The following COL22A1 variants were observed in gnomAD, a reference collection of about 807,000 sequenced individuals.
The protein encoded by COL22A1 is collagen type XXII alpha 1 chain, also known as collagen alpha-1(XXII) chain.
Under a neutral mutation model 248.9 loss-of-function variants are expected in COL22A1, and 221 were observed. The ratio of observed to expected loss-of-function variants is 0.89; its 90% CI spans 0.80 to 0.99. COL22A1 has a LOEUF of 0.99. Among genes scored for constraint, COL22A1 ranks in the 50% least tolerant of loss-of-function variants. COL22A1 has a pLI of 0.00. For synonymous variants in COL22A1, 891 were observed against 793.4 expected, an observed-to-expected ratio of 1.12 and a Z score of -2.07; for missense variants, 2,240 against 2,179.0, an observed-to-expected ratio of 1.03 and a Z score of -0.56.
chr8:138,677,137 C>A (rs1825625528), intron 40 of COL22A1, among the ~76,000 whole-genome samples: 1 of 152,230 alleles, frequency 6.6e-6, no homozygotes, highest in African/African-American at 2.4e-5. Flanking sequence ...CGAGATAAGA[C>A]CTTTGCCTTC....
intron 3 of COL22A1, among the ~76,000 whole-genome samples, chr8:138,875,046 C>T (rs936709448): frequency 2.0e-5 from 3 of 152,214 alleles, no homozygotes; most frequent in South Asian, 2.1e-4. Flanking sequence ...AACCCATTAA[C>T]CAGTATAATT....
At chr8:138,770,449 C>T (rs1195447446) in intron 16 of COL22A1, among the ~76,000 whole-genome samples, 1 of 152,190 alleles carries the variant, frequency 6.6e-6, no homozygotes, top group East Asian at 1.9e-4. Flanking sequence ...ATCTGGTAAA[C>T]CCCCAGATGA....
intron 1 of COL22A1, among the ~76,000 whole-genome samples, chr8:138,885,078 A>G (rs1028576685): frequency 2.0e-5 from 3 of 152,156 alleles, no homozygotes; most frequent in African/African-American, 7.2e-5. Flanking sequence ...ATTTGAAATC[A>G]TGAGCCACCA....
intron 3 of COL22A1, among the ~76,000 whole-genome samples, chr8:138,875,433 AAAAC>A (rs887705019): frequency 3.2e-4 from 48 of 152,292 alleles, no homozygotes; most frequent in Admixed American, 1.4e-3. Context: ...CAGGATGGCA[AAAAC>A]AAACAAACAA....
chr8:138,660,171 G>A (rs1823686534), intron 44 of COL22A1, among the ~76,000 whole-genome samples: 1 of 152,232 alleles, frequency 6.6e-6, no homozygotes, highest in South Asian at 2.1e-4. Context: ...TGACAGCGGT[G>A]TTGACCCATG....
At chr8:138,603,304 T>C (rs906112023) in intron 59 of COL22A1, among the ~76,000 whole-genome samples, 3 of 152,216 alleles carry the variant, frequency 2.0e-5, no homozygotes, top group Non-Finnish European at 2.9e-5. Context: ...GTAACATAAT[T>C]ACCAAAAGCT....
intron 9 of COL22A1, among the ~76,000 whole-genome samples, chr8:138,808,810 G>C (rs1817940963): frequency 6.6e-6 from 1 of 152,190 alleles, no homozygotes; most frequent in African/African-American, 2.4e-5. Context: ...CATTTGCTCA[G>C]GCAAACGAAG....
chr8:138,755,558 C>T (rs2131363243), intron 19 of COL22A1, 47 bp from the exon 20 acceptor site: 1 of 1,598,496 alleles, frequency 6.3e-7, no homozygotes, highest in Non-Finnish European at 8.6e-7. Flanking sequence ...ATTTCCGCAA[C>T]CACAGTCAAC....
intron 42 of COL22A1, among the ~76,000 whole-genome samples, chr8:138,663,036 A>ACACACACACACAC (rs1554737820): frequency 3.3e-5 from 5 of 151,986 alleles, no homozygotes; most frequent in East Asian, 1.9e-4. Flanking sequence ...ACACACACAC[A>ACACACACACACAC]AAGCAATCCC....
intron 3 of COL22A1, among the ~76,000 whole-genome samples, chr8:138,862,225 A>T: frequency 6.6e-6 from 1 of 152,086 alleles, no homozygotes; most frequent in East Asian, 1.9e-4. Context: ...CTCAAAATGA[A>T]GAAATACATA....
chr8:138,591,288 T>G (rs1817017209), intron 64 of COL22A1, 136 bp downstream of exon 64: 2 of 444,882 alleles, frequency 4.5e-6, no homozygotes, highest in African/African-American at 4.2e-5. Context: ...AAGTGAGTGA[T>G]CTCTGTCTCC....
At chr8:138,775,604 C>A (rs1183069059) in intron 16 of COL22A1, among the ~76,000 whole-genome samples, 2 of 152,128 alleles carry the variant, frequency 1.3e-5, no homozygotes, top group Non-Finnish European at 2.9e-5. Context: ...ATGTAACTTG[C>A]CAAGTAAGAT....
chr8:138,732,236 C>A (rs1376989959), intron 23 of COL22A1, among the ~76,000 whole-genome samples: 1 of 152,136 alleles, frequency 6.6e-6, no homozygotes, highest in Non-Finnish European at 1.5e-5. Context: ...TCCAGTCTTT[C>A]AAGAAAGAAT....
chr8:138,894,598 C>A (rs1586985695), intron 1 of COL22A1, among the ~76,000 whole-genome samples: 2 of 152,232 alleles, frequency 1.3e-5, no homozygotes, highest in East Asian at 3.9e-4. Flanking sequence ...GCACTTGAGT[C>A]TACAGCTCAG....
chr8:138,701,466 T>G (rs766333022), intron 31 of COL22A1, among the ~76,000 whole-genome samples: 2 of 152,230 alleles, frequency 1.3e-5, no homozygotes, highest in South Asian at 4.1e-4. Flanking sequence ...TTGCCCTCCA[T>G]GTCCCCAACC....
chr8:138,691,486 T>A (rs1564198812), intron 35 of COL22A1, among the ~76,000 whole-genome samples: 1 of 131,434 alleles, frequency 7.6e-6, no homozygotes, highest in Non-Finnish European at 1.6e-5. Flanking sequence ...TGTGGAGGTA[T>A]GTGTATGTGT....
intron 37 of COL22A1, among the ~76,000 whole-genome samples, chr8:138,686,644 G>A (rs370280424): frequency 6.6e-6 from 1 of 152,052 alleles, no homozygotes; most frequent in Non-Finnish European, 1.5e-5. Flanking sequence ...TCCCGGGCCC[G>A]GCCCTCAGCC....
chr8:138,736,144 A>G (rs1831092973), intron 23 of COL22A1, among the ~76,000 whole-genome samples: 1 of 151,772 alleles, frequency 6.6e-6, no homozygotes, highest in Admixed American at 6.6e-5. Context: ...CTTCTCCTCA[A>G]CCTTCAGGTG....
intron 7 of COL22A1, among the ~76,000 whole-genome samples, chr8:138,818,799 T>C (rs574139720): frequency 6.6e-6 from 1 of 152,222 alleles, no homozygotes; most frequent in Non-Finnish European, 1.5e-5. Flanking sequence ...TTTACTTTTA[T>C]TTTACTATTT....
Sources: allele counts gnomAD v4.1 joint callset (sites outside exome capture counted in the v4.1 genomes callset), GRCh38; gene constraint gnomAD v4.1.1; transcripts MANE v1.5; gene names NCBI Gene and HGNC (gene_info 2026-07-23, HGNC 2026-07-21).